Variants in BRD7 observed in about 807,000 individuals in gnomAD.
The protein encoded by BRD7 is bromodomain-containing protein 7.
In BRD7, 15 loss-of-function variants were observed where a neutral mutation model predicts 82.1. That is an observed-to-expected ratio of 0.18 (90% CI 0.12 to 0.28). BRD7 has a LOEUF of 0.28. Ranked by LOEUF, BRD7 falls within the 10% of genes least tolerant of loss-of-function variation. The pLI, the probability that BRD7 is intolerant of heterozygous loss-of-function variation, is 1.00. For synonymous variants in BRD7, 232 were observed against 266.9 expected, an observed-to-expected ratio of 0.87 and a Z score of 1.27; for missense variants, 638 against 779.9, an observed-to-expected ratio of 0.82 and a Z score of 2.17.
chr16:50,366,977 T>C (rs933286073), intron 2 of BRD7, among the ~76,000 whole-genome samples: 1 of 152,196 alleles, frequency 6.6e-6, no homozygotes, highest in Admixed American at 6.5e-5. Context: ...ACATTACTCC[T>C]ACCTAGCCAA....
Position 50,321,973 on chromosome 16 carries a change from T to C in BRD7, c.1500+9A>G, listed in dbSNP as rs1221561425. The stretch of plus-strand genomic sequence containing the variant: ...TAAATATTTCTTGTAAAGTGTAAAA[T>C]AAAATCACCTCCATTTCTTTTGCTG... On this transcript the variant is annotated intron_variant, in intron 13 of 16. Coordinates refer to ENST00000394688, the MANE Select transcript of BRD7 (RefSeq NM_013263.5). The C allele has an allele frequency of 1.2e-6, 2 of 1,607,646 alleles. No homozygotes were observed. The highest frequency in any genetic ancestry group is 1.7e-6 in the Non-Finnish European group (2 of 1,176,380).
Position 50,323,678 on chromosome 16 carries a change from G to T in BRD7, c.1352C>A (p.Thr451Lys), listed in dbSNP as rs762872868. The T allele has an allele frequency of 6.2e-7, 1 of 1,613,634 alleles. No homozygotes were observed. ...SDFSIHEFLA[T>K]CQDYPYVMAD... ...CATGACATACGGATAATCTTGGCAC[G>T]TGGCCAAAAACTCATGGATGCTGCA... Residue 451 changes from threonine (T) to lysine (K), a missense_variant, in exon 12 of 17, where the codon ACG (threonine) becomes AAG (lysine). Around this residue, in one of 3 missense-constraint regions of BRD7, gnomAD observed 402 missense variants for 500.8 expected, o/e 0.80. Coordinates refer to ENST00000394688, the MANE Select transcript of BRD7 (RefSeq NM_013263.5).
At chr16:50,354,644 C>A in intron 3 of BRD7, 149 bp downstream of exon 3, 1 of 1,240,200 alleles carries the variant, frequency 8.1e-7, no homozygotes, top group South Asian at 1.5e-5. Context: ...AAAATTGAAG[C>A]TAATTTAAAG....
chr16:50,337,598 A>G (rs2037863339), intron 6 of BRD7, among the ~76,000 whole-genome samples: 1 of 152,152 alleles, frequency 6.6e-6, no homozygotes, highest in African/African-American at 2.4e-5. Context: ...ACGTCTACTA[A>G]TAGTTGTTAT....
At chr16:50,331,856 T>C (rs919747195) in intron 8 of BRD7, among the ~76,000 whole-genome samples, 3 of 152,206 alleles carry the variant, frequency 2.0e-5, no homozygotes, top group African/African-American at 7.2e-5. Context: ...TACAACCGAC[T>C]GATCTTTGAC....
At chr16:50,329,545 A>C (rs945411702) in intron 8 of BRD7, among the ~76,000 whole-genome samples, 10 of 152,230 alleles carry the variant, frequency 6.6e-5, no homozygotes, top group African/African-American at 2.4e-4. Flanking sequence ...AGGAAATCCC[A>C]GGTGGCAGCC....
intron 5 of BRD7, among the ~76,000 whole-genome samples, chr16:50,340,832 G>A (rs1687018366): frequency 6.6e-6 from 1 of 152,072 alleles, no homozygotes; most frequent in South Asian, 2.1e-4. Flanking sequence ...TCATAGTTAA[G>A]TAATTTTTAC....
intron 8 of BRD7, among the ~76,000 whole-genome samples, chr16:50,332,535 T>C (rs1264249407): frequency 6.6e-6 from 1 of 152,228 alleles, no homozygotes; most frequent in African/African-American, 2.4e-5. Context: ...ATGCTCACTG[T>C]TGGTGAGAAT....
At chr16:50,368,631 GA>G in intron 1 of BRD7, 94 bp downstream of exon 1, 1 of 1,347,136 alleles carries the variant, frequency 7.4e-7, no homozygotes, top group Non-Finnish European at 1.0e-6. Context: ...CCGTGGGAAG[GA>G]AGGGCCCCGG....
chr16:50,334,660 T>C (rs778975049), intron 7 of BRD7, 51 bp downstream of exon 7: 16 of 1,589,810 alleles, frequency 1.0e-5, no homozygotes, highest in Admixed American at 6.9e-5. Context: ...TTTTTCCCCC[T>C]TACTAGCTTG....
chr16:50,351,844 A>G (rs1320891989), intron 4 of BRD7, among the ~76,000 whole-genome samples: 2 of 89,728 alleles, frequency 2.2e-5, no homozygotes, highest in Non-Finnish European at 4.2e-5. Flanking sequence ...GTATGTATGT[A>G]TGTATGTATG....
At chr16:50,368,035 G>A (rs978372480) in intron 2 of BRD7, 55 bp downstream of exon 2, 24 of 1,562,476 alleles carry the variant, frequency 1.5e-5, no homozygotes, top group Admixed American at 8.4e-5. Context: ...AATGAGGTTG[G>A]CACCTGGAAG....
At chr16:50,324,976 C>T (rs1297346637) in intron 11 of BRD7, among the ~76,000 whole-genome samples, 1 of 152,248 alleles carries the variant, frequency 6.6e-6, no homozygotes. Flanking sequence ...AACCAAACCA[C>T]ACTTACTAAT....
At chr16:50,358,358 T>TCTCTACAAAAAATACAAAAA (rs2038818389) in intron 2 of BRD7, among the ~76,000 whole-genome samples, 1 of 17,276 alleles carries the variant, frequency 5.8e-5, no homozygotes, top group Non-Finnish European at 2.0e-4. Flanking sequence ...AATCCAGGAG[T>TCTCTACAAAAAATACAAAAA]TTTGGTGTGC....
intron 4 of BRD7, among the ~76,000 whole-genome samples, chr16:50,353,686 T>C (rs2038623734): frequency 1.3e-5 from 2 of 151,844 alleles, no homozygotes; most frequent in African/African-American, 4.8e-5. Context: ...CTCCATCTCC[T>C]GGGTTCACAC....
chr16:50,368,369 A>T, intron 1 of BRD7, 71 bp from the exon 2 acceptor site: 1 of 1,497,334 alleles, frequency 6.7e-7, no homozygotes, highest in East Asian at 2.3e-5. Context: ...AGTGCTAAGG[A>T]TGCAGAGCGC....
chr16:50,351,416 C>T (rs756973471), intron 4 of BRD7, among the ~76,000 whole-genome samples: 6 of 152,186 alleles, frequency 3.9e-5, no homozygotes, highest in Middle Eastern at 3.2e-3. Context: ...TCAAAATGTG[C>T]GCTGTCCACA....
intron 13 of BRD7, 79 bp downstream of exon 13, chr16:50,321,903 G>GCCTT: frequency 7.6e-7 from 1 of 1,321,376 alleles, no homozygotes. Context: ...TACCCAATGG[G>GCCTT]CCTTCCCATT....
intron 10 of BRD7, 100 bp downstream of exon 10, chr16:50,326,184 A>T: frequency 1.1e-6 from 1 of 939,262 alleles, no homozygotes; most frequent in South Asian, 1.5e-5. Flanking sequence ...TACCACCAAG[A>T]TACTGGTGCC....
Sources: gnomAD v4.1 joint callset for allele counts (sites outside exome capture counted in the v4.1 genomes callset) on GRCh38, gnomAD v4.1.1 for gene constraint, gnomAD v4.1.1 regional missense constraint, MANE v1.5 for transcripts, NCBI Gene and HGNC (gene_info 2026-07-23, HGNC 2026-07-21) for gene names.